The following NAV3 variants were observed in gnomAD, a reference collection of about 807,000 sequenced individuals.
NAV3 encodes neuron navigator 3.
Under a neutral mutation model 244.7 loss-of-function variants are expected in NAV3, and 87 were observed. The observed-to-expected ratio is 0.36, with a 90% CI of 0.30 to 0.42. The LOEUF is 0.42. NAV3 is among the 20% of genes least tolerant of loss of function. The pLI, the probability that NAV3 is intolerant of heterozygous loss-of-function variation, is 1.00. For synonymous variants in NAV3, 1,126 were observed against 1,042.2 expected (o/e 1.08, Z -1.55); for missense variants, 2,663 against 2,893.3 (o/e 0.92, Z 1.83).
chr12:77,853,621 A>G (rs1877899973), intron 1 of NAV3, among the ~76,000 whole-genome samples: 1 of 152,202 alleles, frequency 6.6e-6, no homozygotes, highest in South Asian at 2.1e-4. Context: ...ATTTCAACAT[A>G]CACAATAAAA....
chr12:77,898,828 A>G (rs1171883916), intron 1 of NAV3, among the ~76,000 whole-genome samples: 2 of 152,220 alleles, frequency 1.3e-5, no homozygotes, highest in African/African-American at 4.8e-5. Context: ...AGCAGAGTAA[A>G]TTGAAAACCT....
chr12:77,883,611 A>T (rs150860669), intron 1 of NAV3, among the ~76,000 whole-genome samples: 67 of 152,286 alleles, frequency 4.4e-4, no homozygotes, highest in African/African-American at 1.5e-3. Context: ...TTTTGAAAAG[A>T]AAAAGCCATT....
At chr12:78,160,402 T>TGTGTGTGTGTGTGTGTGC (rs776750180) in intron 23 of NAV3, among the ~76,000 whole-genome samples, 1 of 90,482 alleles carries the variant, frequency 1.1e-5, no homozygotes, top group South Asian at 5.9e-4. Context: ...TGTGTGTGCG[T>TGTGTGTGTGTGTGTGTGC]GCGTGTGTGT....
chr12:78,029,911 CA>C (rs2136941245), intron 9 of NAV3, among the ~76,000 whole-genome samples: 1 of 152,174 alleles, frequency 6.6e-6, no homozygotes, highest in Non-Finnish European at 1.5e-5. Flanking sequence ...GCCACAAAAC[CA>C]CAGATTGTAC....
At chr12:77,625,075 A>C (rs1448376665) in intron 2 of NAV3, among the ~76,000 whole-genome samples, 2 of 152,214 alleles carry the variant, frequency 1.3e-5, no homozygotes, top group Non-Finnish European at 2.9e-5. Context: ...GGTGGAAAAA[A>C]ATTTTTTTAA....
chr12:77,955,505 T>C (rs1449209413), intron 3 of NAV3, among the ~76,000 whole-genome samples: 1 of 152,150 alleles, frequency 6.6e-6, no homozygotes, highest in Admixed American at 6.6e-5. Context: ...CATATCTTTG[T>C]TACTATGTTA....
intron 3 of NAV3, among the ~76,000 whole-genome samples, chr12:77,957,071 C>A (rs934055198): frequency 6.6e-6 from 1 of 152,196 alleles, no homozygotes; most frequent in African/African-American, 2.4e-5. Flanking sequence ...CTAAATGACA[C>A]TTTTATGAAG....
chr12:78,190,757 C>T (rs1170645508), intron 34 of NAV3, among the ~76,000 whole-genome samples: 1 of 152,074 alleles, frequency 6.6e-6, no homozygotes, highest in East Asian at 1.9e-4. Context: ...AAGTTAACAA[C>T]ATTCAATTTC....
chr12:77,707,373 A>G lies in NAV3; in HGVS notation c.72+135107A>G, dbSNP rs985637477. On this transcript the variant is annotated intron_variant, in intron 2 of 8. Transcript: ENST00000550042. ...GGTTTCCAGCTTCATCCATGTCCCT[A>G]CAAAGGACATGAACTCATCCTTTTT... is the stretch of plus-strand genomic sequence containing the variant. Among the ~76,000 whole-genome samples the G allele has an allele frequency of 3.9e-5, 6 of 152,122 alleles. No homozygotes were observed. The South Asian group carries it at 6.2e-4, about 16-fold the overall frequency.
rs531167540 is a variant in NAV3, at chr12:78,117,708, T to C, written c.2770-319T>C. ...CTGAAATATATCACTGGATCTGTTG[T>C]GAATGATAAATCAAAAATGAAAAAT... On this transcript the variant is annotated intron_variant, in intron 13 of 39. Transcript: ENST00000397909. 1.7e-3 allele frequency among the ~76,000 whole-genome samples: 255 copies of C among 152,016 alleles called. 2 individuals carry two copies. Among genetic ancestry groups the C allele is most frequent in the Middle Eastern group, 0.014 (4 of 280 alleles).
chr12:77,985,107 C>T (rs917052483), intron 5 of NAV3, among the ~76,000 whole-genome samples: 10 of 152,278 alleles, frequency 6.6e-5, no homozygotes, highest in Middle Eastern at 3.4e-3. Flanking sequence ...TGAGCCACCG[C>T]GCCCAGCCTA....
intron 35 of NAV3, among the ~76,000 whole-genome samples, chr12:78,197,972 CTATT>C (rs2139991344): frequency 6.6e-6 from 1 of 151,786 alleles, no homozygotes; most frequent in East Asian, 1.9e-4. Flanking sequence ...ATAGCTCCCT[CTATT>C]AATGAGTATG....
intron 4 of NAV3, among the ~76,000 whole-genome samples, chr12:77,967,427 T>A (rs1892615809): frequency 6.6e-6 from 1 of 152,080 alleles, no homozygotes; most frequent in South Asian, 2.1e-4. Flanking sequence ...TGAGAAATGT[T>A]TGGGGGAAAA....
chr12:77,764,631 G>A lies in NAV3; in HGVS notation c.73-175688G>A, dbSNP rs564019198. 3.5e-4 allele frequency among the ~76,000 whole-genome samples: 54 copies of A among 152,268 alleles called. 1 individual carries two copies. In the South Asian group the frequency reaches 9.1e-3, roughly 26 times the overall value. ...ATAGGATTTTTCAAAAGAGAGCCTC[G>A]TTTAATAAATTAGTTCTACAGTGTT... On this transcript the variant is annotated intron_variant, in intron 2 of 8. Transcript: ENST00000550042.
At chr12:77,730,734 A>AAGTGCCCATTGAATGGGATGGCAT in intron 2 of NAV3, among the ~76,000 whole-genome samples, 1 of 151,724 alleles carries the variant, frequency 6.6e-6, no homozygotes. Context: ...TCCAGATTAA[A>AAGTGCCCATTGAATGGGATGGCAT]AGTGCCCATT....
At chr12:77,951,826 A>C (rs1195200237) in intron 3 of NAV3, among the ~76,000 whole-genome samples, 1 of 152,078 alleles carries the variant, frequency 6.6e-6, no homozygotes, top group African/African-American at 2.4e-5. Context: ...AGGACAAAAA[A>C]CCAAATTCTG....
intron 7 of NAV3, among the ~76,000 whole-genome samples, chr12:77,998,736 A>G (rs748324283): frequency 1.3e-5 from 2 of 152,202 alleles, no homozygotes; most frequent in Non-Finnish European, 2.9e-5. Flanking sequence ...GGTCCTTCCA[A>G]ATGCATGTAA....
intron 2 of NAV3, among the ~76,000 whole-genome samples, chr12:77,577,869 C>G (rs1057400479): frequency 1.3e-5 from 2 of 152,062 alleles, no homozygotes; most frequent in Admixed American, 6.6e-5. Context: ...CATTTTTCTT[C>G]TAAAATATGT....
chr12:78,025,810 A>G (rs1329122845), intron 9 of NAV3, among the ~76,000 whole-genome samples: 4 of 152,042 alleles, frequency 2.6e-5, no homozygotes, highest in African/African-American at 7.2e-5. Flanking sequence ...TGCTCTCACC[A>G]TATGATCTCT....
Sources: allele counts gnomAD v4.1 joint callset (sites outside exome capture counted in the v4.1 genomes callset), GRCh38; gene constraint gnomAD v4.1.1; transcripts MANE v1.5; gene names NCBI Gene and HGNC (gene_info 2026-07-23, HGNC 2026-07-21).